PRKCB: variants seen among roughly 807,000 people sequenced by gnomAD.
The protein encoded by PRKCB is protein kinase C beta type.
Under a neutral mutation model 81.5 loss-of-function variants are expected in PRKCB, and 13 were observed. The ratio of observed to expected loss-of-function variants is 0.16; its 90% CI spans 0.10 to 0.25. The LOEUF is 0.25. Among genes scored for constraint, PRKCB ranks in the 10% least tolerant of loss-of-function variants. The pLI is 1.00. For missense variants in PRKCB, 509 were observed against 875.7 expected (o/e 0.58, Z 5.29); for synonymous variants, 335 against 321.4 (o/e 1.04, Z -0.45).
intron 7 of PRKCB, among the ~76,000 whole-genome samples, chr16:24,100,736 T>C (rs551888751): frequency 2.0e-5 from 3 of 152,310 alleles, no homozygotes; most frequent in Non-Finnish European, 4.4e-5. Context: ...GGCAATATTT[T>C]AGCAGAGAAA....
chr16:23,837,433 A>G (rs761013047), intron 2 of PRKCB, 27 bp downstream of exon 2: 57 of 1,601,544 alleles, frequency 3.6e-5, no homozygotes, highest in Non-Finnish European at 4.6e-5. Flanking sequence ...TGGGGATGCT[A>G]TTTGTGGGAA....
intron 10 of PRKCB, among the ~76,000 whole-genome samples, chr16:24,168,679 T>C (rs902438565): frequency 7.4e-5 from 11 of 148,396 alleles, no homozygotes; most frequent in African/African-American, 2.5e-4. Context: ...GCCTCCCGAG[T>C]AGCTGGGACT....
intron 5 of PRKCB, among the ~76,000 whole-genome samples, chr16:24,080,901 A>T (rs1966240792): frequency 6.6e-6 from 1 of 152,200 alleles, no homozygotes; most frequent in Non-Finnish European, 1.5e-5. Flanking sequence ...AATAATACTG[A>T]TTCTCCTAAA....
intron 16 of PRKCB, among the ~76,000 whole-genome samples, chr16:24,200,992 G>A (rs1024682404): frequency 6.6e-6 from 1 of 152,120 alleles, no homozygotes; most frequent in Non-Finnish European, 1.5e-5. Context: ...AAATCGTGAG[G>A]AAGATTGAGG....
At chr16:24,137,489 C>T (rs1966869167) in intron 9 of PRKCB, among the ~76,000 whole-genome samples, 1 of 152,160 alleles carries the variant, frequency 6.6e-6, no homozygotes, top group African/African-American at 2.4e-5. Context: ...TCGCTGGGCC[C>T]TGTGTTTTCT....
At chr16:23,868,507 G>T (rs1962845132) in intron 2 of PRKCB, among the ~76,000 whole-genome samples, 1 of 152,186 alleles carries the variant, frequency 6.6e-6, no homozygotes, top group African/African-American at 2.4e-5. Context: ...TGACCTATCA[G>T]TTACATAATT....
intron 2 of PRKCB, among the ~76,000 whole-genome samples, chr16:23,863,148 A>T (rs117461382): frequency 1.4e-5 from 2 of 146,804 alleles, no homozygotes; most frequent in Non-Finnish European, 3.0e-5. Context: ...GTGTATGTGT[A>T]TATATATACA....
chr16:24,158,527 C>CATGTAT (rs755706008), intron 10 of PRKCB, among the ~76,000 whole-genome samples: 7 of 141,792 alleles, frequency 4.9e-5, no homozygotes, highest in East Asian at 4.3e-4. Flanking sequence ...TTTAAAAAAA[C>CATGTAT]ATGTATATGT....
intron 9 of PRKCB, among the ~76,000 whole-genome samples, chr16:24,154,434 G>A (rs1219833139): frequency 6.6e-6 from 1 of 152,176 alleles, no homozygotes; most frequent in East Asian, 1.9e-4. Context: ...AGTGAGCTAT[G>A]ATCATGTTAC....
At chr16:24,207,528 C>T (rs1001400101) in intron 16 of PRKCB, among the ~76,000 whole-genome samples, 2 of 152,172 alleles carry the variant, frequency 1.3e-5, no homozygotes, top group African/African-American at 4.8e-5. Context: ...ATATTGTACA[C>T]ACTGTTAGTA....
chr16:24,192,959 C>T (rs899704887), intron 16 of PRKCB, among the ~76,000 whole-genome samples: 2 of 151,840 alleles, frequency 1.3e-5, no homozygotes, highest in African/African-American at 4.8e-5. Context: ...AGAATCATCT[C>T]CTTTTTTTTC....
rs983621376 is a variant in PRKCB at position 24,217,315 on chromosome 16, A to C, written c.*2499A>C. On this transcript the variant is annotated 3_prime_UTR_variant, in exon 17 of 17. Transcript: ENST00000643927. ...GAGAAACTTTCCATGGAAAGTCAGA[A>C]TTTCTACCACTTCCTTTTCTATCCA... is the stretch of plus-strand genomic sequence containing the variant. The C allele has an allele frequency of 2.8e-5, 28 of 985,314 alleles. No homozygotes were observed. Among genetic ancestry groups the C allele is most frequent in the Non-Finnish European group, 3.4e-5 (28 of 829,946 alleles). 61.0% of individuals were successfully genotyped at this position (985,314 alleles called of 1,614,324 possible).
chr16:23,958,488 A>G (rs1964379908), intron 2 of PRKCB, among the ~76,000 whole-genome samples: 1 of 151,568 alleles, frequency 6.6e-6, no homozygotes, highest in South Asian at 2.1e-4. Context: ...CATTTTTAGT[A>G]GAGATGGGGT....
intron 3 of PRKCB, 29 bp downstream of exon 3, chr16:23,988,619 C>A (rs770974182): frequency 2.6e-5 from 41 of 1,587,740 alleles, no homozygotes; most frequent in Non-Finnish European, 3.5e-5. Context: ...TTGCTTTTCT[C>A]TGTCCACAGT....
rs1279850438 is a variant in PRKCB at position 23,846,413 on chromosome 16, C to T, written c.205+9007C>T. Among the ~76,000 whole-genome samples the T allele has an allele frequency of 3.3e-5, 5 of 151,852 alleles. No homozygotes were observed. In the East Asian group the frequency reaches 9.7e-4, roughly 29 times the overall value. On this transcript the variant is annotated intron_variant, in intron 2 of 16. Coordinates refer to ENST00000643927, the MANE Select transcript of PRKCB (RefSeq NM_002738.7). The stretch of plus-strand genomic sequence containing the variant: ...TCATCTGAGGTCAGGAATTCGAGAC[C>T]AGCCTGGCCAACATGGTGAAACTCC...
chr16:24,099,971 C>CAAA (rs35019900), intron 7 of PRKCB: 3 of 99,938 alleles, frequency 3.0e-5, no homozygotes, highest in Non-Finnish European at 2.1e-5. Context: ...GACTCCATCT[C>CAAA]AAAAAAAAAA....
chr16:23,869,358 A>G (rs1041641828), intron 2 of PRKCB: 1 of 272,748 alleles, frequency 3.7e-6, no homozygotes, highest in Non-Finnish European at 7.4e-6. Flanking sequence ...CACGAGTAAG[A>G]GCTAAACTTC....
At chr16:23,892,954 T>C (rs1963318178) in intron 2 of PRKCB, 1 of 141,468 alleles carries the variant, frequency 7.1e-6, no homozygotes, top group Admixed American at 6.9e-5. Flanking sequence ...CTTTTTTTTT[T>C]TTTTAACAGG....
intron 5 of PRKCB, among the ~76,000 whole-genome samples, chr16:24,088,666 C>T (rs117067743): frequency 0.015 from 2,188 of 146,490 alleles, 32 homozygotes; most frequent in Admixed American, 0.031. Context: ...GAGATCAAGG[C>T]TGCAGTGAGC....
Sources: gnomAD v4.1 joint callset for allele counts (sites outside exome capture counted in the v4.1 genomes callset) on GRCh38, gnomAD v4.1.1 for gene constraint, MANE v1.5 for transcripts, NCBI Gene and HGNC (gene_info 2026-07-23, HGNC 2026-07-21) for gene names.